Variants in JAKMIP1 observed in about 807,000 individuals in gnomAD.
JAKMIP1 encodes janus kinase and microtubule interacting protein 1.
In JAKMIP1, 33 loss-of-function variants were observed where a neutral mutation model predicts 113.0. The observed-to-expected ratio is 0.29, with a 90% confidence interval of 0.22 to 0.39. JAKMIP1 has a LOEUF of 0.39. Among genes scored for constraint, JAKMIP1 ranks in the 10% least tolerant of loss-of-function variants. The pLI is 1.00. For synonymous variants in JAKMIP1, 480 were observed against 459.9 expected (o/e 1.04, Z -0.56); for missense variants, 813 against 1,080.5 (o/e 0.75, Z 3.47).
At chr4:6,054,502 G>C (rs917801556) in intron 12 of JAKMIP1, among the ~76,000 whole-genome samples, 14 of 152,192 alleles carry the variant, frequency 9.2e-5, no homozygotes, top group African/African-American at 3.4e-4. Context: ...TGGGAAGCAA[G>C]AGTGCCACAC....
At position 6,125,695 on chromosome 4, in the gene JAKMIP1, C is replaced by A. The variant is rs749175078; in HGVS notation, c.-147-12698G>T. On this transcript the variant is annotated intron_variant, in intron 1 of 20. Transcript: ENST00000409021. ...CATACACACCATGCAGAAACACACA[C>A]GCACACCATACACACCATACAGAAA... Among the ~76,000 whole-genome samples, 6 of 62,910 alleles carry A rather than the reference C, an allele frequency of 9.5e-5. 1 individual carries two copies. The highest frequency in any genetic ancestry group is 3.2e-4 in the African/African-American group (6 of 18,632). 41.3% of individuals were successfully genotyped at this position (62,910 alleles called of 152,430 possible). A position where few individuals can be genotyped will look rare whatever the true frequency, so the allele number is the denominator to read the frequency against.
Position 6,171,070 on chromosome 4 carries a change from C to T in JAKMIP1, c.-148+29183G>A, listed in dbSNP as rs111203633. 4.1e-4 allele frequency among the ~76,000 whole-genome samples: 45 copies of T among 110,294 alleles called. 1 individual carries two copies. The highest frequency in any genetic ancestry group is 5.1e-3 in the Middle Eastern group (1 of 196). 72.4% of individuals were successfully genotyped at this position (110,294 alleles called of 152,430 possible). ...ACCATCACCATGCTGACCACCATCA[C>T]CACCACCCCCATTACCCTTCTCACT... On this transcript the variant is annotated intron_variant, in intron 1 of 20. Coordinates refer to ENST00000409021, the MANE Select transcript of JAKMIP1 (RefSeq NM_001099433.2).
Position 6,129,502 on chromosome 4 carries a change from G to A in JAKMIP1, c.-147-16505C>T. Among the ~76,000 whole-genome samples the A allele has an allele frequency of 6.6e-6, 1 of 152,086 alleles. No homozygotes were observed. Among genetic ancestry groups the A allele is most frequent in the East Asian group, 1.9e-4 (1 of 5,174 alleles). On this transcript the variant is annotated intron_variant, in intron 1 of 20. Transcript: ENST00000409021. The surrounding 1 kb of genome is among the most constrained non-coding windows in gnomAD (Gnocchi z 5.4). ...AACACATCACCCCATTATCTGTTCA[G>A]CACAAGTTTGTGCCATGTCTCCTGA...
intron 8 of JAKMIP1, among the ~76,000 whole-genome samples, chr4:6,074,577 C>T (rs62284784): frequency 0.12 from 18,212 of 152,248 alleles, 1,390 homozygotes; most frequent in South Asian, 0.17. Flanking sequence ...GAACCTCCCA[C>T]GAATACTCAA....
intron 16 of JAKMIP1, among the ~76,000 whole-genome samples, chr4:6,045,915 C>A (rs936277050): frequency 5.9e-5 from 9 of 152,144 alleles, no homozygotes; most frequent in Non-Finnish European, 1.0e-4. Flanking sequence ...CATTGACTTC[C>A]ACTTATTCGG....
At chr4:6,062,186 G>A (rs1250773756) in intron 10 of JAKMIP1, 126 bp downstream of exon 10, 10 of 1,000,784 alleles carry the variant, frequency 1.0e-5, no homozygotes, top group Non-Finnish European at 1.5e-5. Flanking sequence ...ACCTTGCTAT[G>A]GGTTCCCCAC....
Position 6,081,252 on chromosome 4 carries a change from T to C in JAKMIP1, c.1101+357A>G, listed in dbSNP as rs2108822166. Among the ~76,000 whole-genome samples the C allele has an allele frequency of 6.6e-6, 1 of 152,366 alleles. No homozygotes were observed. The highest frequency in any genetic ancestry group is 1.9e-4 in the East Asian group (1 of 5,186). ...CAGCTTTCACTTGCTGGGTGTCCTC[T>C]GGGCCCGTTCCCTGTGAGGTCTTTA... On this transcript the variant is annotated intron_variant, in intron 6 of 20. Transcript: ENST00000409021. This position sits in a 1 kb window ranked among gnomAD's most constrained non-coding sequence, Gnocchi z 4.6.
At chr4:6,122,227 G>A (rs761492945) in intron 1 of JAKMIP1, among the ~76,000 whole-genome samples, 5 of 152,174 alleles carry the variant, frequency 3.3e-5, no homozygotes, top group African/African-American at 9.7e-5. Flanking sequence ...TCAGAAGGCC[G>A]AGGCAGGAGA....
chr4:6,113,076 A>G (rs917390274), intron 1 of JAKMIP1, 79 bp from the exon 2 acceptor site: 3 of 609,708 alleles, frequency 4.9e-6, no homozygotes, highest in African/African-American at 1.9e-5. Flanking sequence ...ACCCTGGGCC[A>G]GGCACCTGCC....
intron 3 of JAKMIP1, among the ~76,000 whole-genome samples, chr4:6,092,738 A>G (rs562377125): frequency 1.3e-5 from 2 of 152,292 alleles, no homozygotes; most frequent in South Asian, 4.1e-4. Context: ...GACCCACTAT[A>G]TCGGTCATCA....
At position 6,162,783 on chromosome 4, in the gene JAKMIP1, G is replaced by A. The variant is rs963093086; in HGVS notation, c.-148+37470C>T. On this transcript the variant is annotated intron_variant, in intron 1 of 20. Transcript: ENST00000409021. This position sits in a 1 kb window ranked among gnomAD's most constrained non-coding sequence, Gnocchi z 5.6. Reference sequence around the variant, plus strand: ...GGTCACCCAGCCAGGAGCCAGGTGTGGGACCCAAGTGTTCCCCATTCCAAA... The same window carrying A: ...GGTCACCCAGCCAGGAGCCAGGTGTAGGACCCAAGTGTTCCCCATTCCAAA... 1.3e-5 allele frequency among the ~76,000 whole-genome samples: 2 copies of A among 152,172 alleles called. No individual in the cohort carries two copies. The highest frequency in any genetic ancestry group is 2.4e-5 in the African/African-American group (1 of 41,428).
In JAKMIP1 at chr4:6,080,281, T is replaced by C. The variant is rs756371709; in HGVS notation, c.1133A>G (p.Lys378Arg). The change falls in exon 7 of 21, where the codon AAG becomes AGG. Residue 378 changes from lysine to arginine, a missense_variant. By Grantham distance (26) the Lys-to-Arg change is conservative. This residue lies in a region of JAKMIP1 where 540 missense variants were observed against 653.9 expected (regional missense o/e 0.83). Transcript: ENST00000409021. The surrounding 1 kb of genome is among the most constrained non-coding windows in gnomAD (Gnocchi z 6.0). ...KEKLSAQASL[K>R]RHTSLNDLSL... The stretch of plus-strand genomic sequence containing the variant: ...GAGGTCATTCAAGGAGGTATGCCGC[T>C]TCAGAGACGCCTGCGCTGACAGCTT... 5 of 1,614,110 alleles carry C rather than the reference T, an allele frequency of 3.1e-6. No homozygotes were observed. In the South Asian group the frequency reaches 4.4e-5, roughly 14 times the overall value.
intron 1 of JAKMIP1, among the ~76,000 whole-genome samples, chr4:6,191,457 G>T (rs1727247797): frequency 6.6e-6 from 1 of 152,210 alleles, no homozygotes; most frequent in African/African-American, 2.4e-5. Context: ...CAAAGACCTT[G>T]CCACCCCTTG....
intron 4 of JAKMIP1, 34 bp downstream of exon 4, chr4:6,085,386 C>A (rs1285440426): frequency 3.1e-6 from 5 of 1,598,688 alleles, no homozygotes. Flanking sequence ...GGTGGGGGAC[C>A]AGCCTGAGGC....
rs369897699 is a variant in JAKMIP1, at chr4:6,065,017, C to T, written c.1303-9G>A. ...GTCTCCACAACATGCTTCTGTAAAACGCAATTTGTATGATGTTAGCAACGA... is the reference window on the plus strand; with the variant it reads ...GTCTCCACAACATGCTTCTGTAAAATGCAATTTGTATGATGTTAGCAACGA... On this transcript the variant is annotated splice_polypyrimidine_tract_variant and intron_variant, in intron 8 of 20. Coordinates refer to ENST00000409021, the MANE Select transcript of JAKMIP1 (RefSeq NM_001099433.2). The surrounding 1 kb of genome is among the most constrained non-coding windows in gnomAD (Gnocchi z 5.1). 39 of 1,614,124 alleles carry T rather than the reference C, an allele frequency of 2.4e-5. No homozygotes were observed. In the African/African-American group the frequency reaches 4.1e-4, roughly 17 times the overall value.
At chr4:6,124,078 G>A (rs899164819) in intron 1 of JAKMIP1, among the ~76,000 whole-genome samples, 2 of 152,216 alleles carry the variant, frequency 1.3e-5, no homozygotes, top group Admixed American at 6.5e-5. Context: ...GGAGCAGGAG[G>A]CTTAGTCACT....
chr4:6,085,340 T>G, intron 4 of JAKMIP1, 80 bp downstream of exon 4: 1 of 1,216,428 alleles, frequency 8.2e-7, no homozygotes, highest in Non-Finnish European at 1.2e-6. Flanking sequence ...CACCTCAGAG[T>G]CCTCTGTGGC....
At chr4:6,026,515 T>C (rs1193961221) in intron 20 of JAKMIP1, among the ~76,000 whole-genome samples, 1 of 152,108 alleles carries the variant, frequency 6.6e-6, no homozygotes, top group Non-Finnish European at 1.5e-5. Flanking sequence ...TCTCCAAACA[T>C]GCAGCTAACT....
rs1578364475 is a variant in JAKMIP1, at chr4:6,141,398, T to C, written c.-147-28401A>G. ...TTGCAGTGAGCCGAGATCCTGCTAC[T>C]GCACCCCAGCCTGGGCGACAGAGTG... On this transcript the variant is annotated intron_variant, in intron 1 of 20. Coordinates refer to ENST00000409021, the MANE Select transcript of JAKMIP1 (RefSeq NM_001099433.2). The surrounding 1 kb of genome is among the most constrained non-coding windows in gnomAD (Gnocchi z 9.4). 6.6e-6 allele frequency among the ~76,000 whole-genome samples: 1 copy of C among 152,306 alleles called. No individual in the cohort carries two copies. Among genetic ancestry groups the C allele is most frequent in the Non-Finnish European group, 1.5e-5 (1 of 68,018 alleles).
Sources: allele counts gnomAD v4.1 joint callset (sites outside exome capture counted in the v4.1 genomes callset), GRCh38; gene constraint gnomAD v4.1.1; regional missense constraint gnomAD v4.1.1; non-coding constraint Gnocchi (gnomAD v3.1); transcripts MANE v1.5; gene names NCBI Gene and HGNC (gene_info 2026-07-23, HGNC 2026-07-21).